RGS6: variants seen among roughly 807,000 people sequenced by gnomAD.
The protein encoded by RGS6 is regulator of G-protein signaling 6.
In RGS6, 30 loss-of-function variants were observed where a neutral mutation model predicts 78.5. The ratio of observed to expected loss-of-function variants is 0.38; its 90% confidence interval spans 0.29 to 0.52. The LOEUF (loss-of-function observed/expected upper bound fraction) is 0.52, where lower values mean the gene tolerates loss of function less well. RGS6 is among the 20% of genes least tolerant of loss of function. RGS6 has a pLI of 0.85. For missense variants in RGS6, 495 were observed against 609.7 expected (o/e 0.81, Z 1.98); for synonymous variants, 206 against 206.0 (o/e 1.00, Z 0.00).
chr14:72,254,842 C>T (rs1035404566), intron 2 of RGS6, among the ~76,000 whole-genome samples: 3 of 152,166 alleles, frequency 2.0e-5, no homozygotes, highest in African/African-American at 7.2e-5. Context: ...AGCACCATAG[C>T]AGTGGCTCAT....
At chr14:72,127,134 C>T (rs2096213686) in intron 2 of RGS6, among the ~76,000 whole-genome samples, 1 of 152,124 alleles carries the variant, frequency 6.6e-6, no homozygotes, top group Admixed American at 6.5e-5. Context: ...GCCATAAACT[C>T]TAGGGGCTAC....
At chr14:72,152,000 G>A (rs894369393) in intron 2 of RGS6, among the ~76,000 whole-genome samples, 9 of 152,252 alleles carry the variant, frequency 5.9e-5, no homozygotes, top group African/African-American at 2.2e-4. Flanking sequence ...TACTTCCCAA[G>A]GAGATTTGGG....
At chr14:72,312,421 GT>G (rs1053153638) in intron 2 of RGS6, among the ~76,000 whole-genome samples, 17 of 152,226 alleles carry the variant, frequency 1.1e-4, no homozygotes, top group African/African-American at 4.1e-4. Flanking sequence ...TTGTTTGTGT[GT>G]TTGTTTTTCC....
chr14:72,187,148 A>C (rs1320304780), intron 2 of RGS6, among the ~76,000 whole-genome samples: 3 of 152,246 alleles, frequency 2.0e-5, no homozygotes, highest in Non-Finnish European at 4.4e-5. Flanking sequence ...CTCTGATTCA[A>C]ATAGATGCAT....
intron 2 of RGS6, among the ~76,000 whole-genome samples, chr14:72,202,975 C>T (rs999304307): frequency 1.3e-5 from 2 of 152,110 alleles, no homozygotes; most frequent in African/African-American, 2.4e-5. Flanking sequence ...GAATGGTTCA[C>T]GCCATTCTCC....
intron 3 of RGS6, among the ~76,000 whole-genome samples, chr14:72,418,707 G>A (rs192122537): frequency 2.6e-5 from 4 of 152,270 alleles, no homozygotes; most frequent in East Asian, 1.9e-4. Flanking sequence ...TTCTCCTGTT[G>A]TTTATTCTCA....
chr14:72,372,991 A>G (rs2083828595), intron 3 of RGS6, among the ~76,000 whole-genome samples: 1 of 152,160 alleles, frequency 6.6e-6, no homozygotes, highest in Admixed American at 6.5e-5. Flanking sequence ...GGAGAAATAT[A>G]TGGAACACTG....
At chr14:72,327,558 G>A (rs189114999) in intron 2 of RGS6, among the ~76,000 whole-genome samples, 33 of 152,302 alleles carry the variant, frequency 2.2e-4, no homozygotes, top group Admixed American at 3.9e-4. Context: ...AGAGAGCAGC[G>A]TACATCACCA....
intron 2 of RGS6, among the ~76,000 whole-genome samples, chr14:72,059,011 C>G (rs977190544): frequency 1.9e-4 from 29 of 152,178 alleles, no homozygotes; most frequent in African/African-American, 6.8e-4. Context: ...TCAACTGATT[C>G]TTGTGCCTCA....
intron 15 of RGS6, 128 bp downstream of exon 15, chr14:72,518,665 C>T (rs758338365): frequency 4.8e-6 from 4 of 841,378 alleles, no homozygotes; most frequent in South Asian, 1.9e-5. Flanking sequence ...TTAAGTTCAT[C>T]AGTGGAAACC....
intron 12 of RGS6, among the ~76,000 whole-genome samples, chr14:72,492,829 A>G (rs925629333): frequency 4.6e-5 from 7 of 152,190 alleles, no homozygotes; most frequent in Non-Finnish European, 1.0e-4. Flanking sequence ...ATAAAGTTTT[A>G]TTAGAACACA....
Position 72,541,547 on chromosome 14 carries a change from A to T in RGS6, c.1422+1453A>T, listed in dbSNP as rs1025137631. The T allele has an allele frequency of 8.0e-5, 123 of 1,535,576 alleles. 1 individual carries two copies. Among genetic ancestry groups the T allele is most frequent in the Middle Eastern group, 6.7e-4 (4 of 6,012 alleles). On this transcript the variant is annotated intron_variant, in intron 17 of 17. Coordinates refer to ENST00000553525, the MANE Select transcript of RGS6 (RefSeq NM_001204424.2). Reference sequence around the variant, plus strand: ...TGCCAATGGCCGTGTGGCTCCGCACACCAAGAAGCTGCCACGGGCTGTCAG... The same window carrying T: ...TGCCAATGGCCGTGTGGCTCCGCACTCCAAGAAGCTGCCACGGGCTGTCAG...
chr14:72,113,655 C>A (rs1270383225), intron 2 of RGS6, among the ~76,000 whole-genome samples: 2 of 152,246 alleles, frequency 1.3e-5, no homozygotes, highest in Non-Finnish European at 2.9e-5. Flanking sequence ...CTCTGCCAGA[C>A]TGCTCTGCTG....
intron 2 of RGS6, among the ~76,000 whole-genome samples, chr14:72,289,740 C>T (rs2063239757): frequency 6.6e-6 from 1 of 152,308 alleles, no homozygotes; most frequent in Non-Finnish European, 1.5e-5. Context: ...TCTCTCTTCC[C>T]ACAGAAGATA....
At chr14:72,329,118 C>G (rs12895250) in intron 2 of RGS6, among the ~76,000 whole-genome samples, 9,758 of 152,324 alleles carry the variant, frequency 0.064, 451 homozygotes, top group East Asian at 0.27. Context: ...AGGTGATCCA[C>G]CCACCTCAGC....
chr14:72,362,319 A>G (rs1277389590), intron 3 of RGS6, among the ~76,000 whole-genome samples: 2 of 152,242 alleles, frequency 1.3e-5, no homozygotes, highest in South Asian at 2.1e-4. Flanking sequence ...TATGTCTAGA[A>G]TATTTCTCTG....
At chr14:72,249,199 T>A (rs2055000441) in intron 2 of RGS6, among the ~76,000 whole-genome samples, 1 of 152,182 alleles carries the variant, frequency 6.6e-6, no homozygotes, top group South Asian at 2.1e-4. Flanking sequence ...CAGGCTTAAA[T>A]ACCATCCTTT....
intron 1 of RGS6, among the ~76,000 whole-genome samples, chr14:71,949,902 C>T (rs914708481): frequency 5.3e-5 from 8 of 151,662 alleles, no homozygotes; most frequent in Non-Finnish European, 1.2e-4. Flanking sequence ...TATGGATATC[C>T]AATAAACCCA....
At chr14:71,914,606 G>A in the RGS6 span, among the ~76,000 whole-genome samples, 2 of 151,866 alleles carry the variant, frequency 1.3e-5, no homozygotes, top group Non-Finnish European at 2.9e-5. Flanking sequence ...TTTACCAGTC[G>A]GTTTCCTGTA....
Sources: gnomAD v4.1 joint callset for allele counts (sites outside exome capture counted in the v4.1 genomes callset) on GRCh38, gnomAD v4.1.1 for gene constraint, MANE v1.5 for transcripts, NCBI Gene and HGNC (gene_info 2026-07-23, HGNC 2026-07-21) for gene names.